The following CACNA1B variants were observed in gnomAD, a reference collection of about 807,000 sequenced individuals.
CACNA1B encodes the protein voltage-dependent N-type calcium channel subunit alpha-1B.
A neutral mutation model predicts 247.2 loss-of-function variants in CACNA1B; 70 were observed. That is an observed-to-expected ratio of 0.28 (90% CI 0.23 to 0.35). The LOEUF is 0.35. Among genes scored for constraint, CACNA1B ranks in the 10% least tolerant of loss-of-function variants. The pLI, the probability that CACNA1B is intolerant of heterozygous loss-of-function variation, is 1.00. For synonymous variants in CACNA1B, 1,231 were observed against 1,294.4 expected, an observed-to-expected ratio of 0.95 and a Z score of 1.05; for missense variants, 2,367 against 3,197.4, an observed-to-expected ratio of 0.74 and a Z score of 6.26.
At chr9:137,949,672 G>C (rs918124377) in intron 6 of CACNA1B, among the ~76,000 whole-genome samples, 12 of 152,044 alleles carry the variant, frequency 7.9e-5, no homozygotes, top group African/African-American at 2.9e-4. Flanking sequence ...TGCAGTTCCC[G>C]ATGGCGGTGG....
At chr9:138,105,555 G>A (rs1043149922) in intron 38 of CACNA1B, 144 bp from the exon 39 acceptor site, 6 of 593,618 alleles carry the variant, frequency 1.0e-5, no homozygotes, top group African/African-American at 1.8e-5. Context: ...ACTCCCACCC[G>A]CCCCACCTCA....
At chr9:138,074,248 T>C (rs1182760081) in intron 34 of CACNA1B, among the ~76,000 whole-genome samples, 182 bp downstream of exon 34, 3 of 151,072 alleles carry the variant, frequency 2.0e-5, no homozygotes, top group Non-Finnish European at 3.0e-5. Context: ...CTTACTCTTT[T>C]TTTTTTTTTT....
chr9:138,006,924 T>C (rs751753589), intron 16 of CACNA1B, 40 bp downstream of exon 16: 2 of 1,070,846 alleles, frequency 1.9e-6, no homozygotes, highest in East Asian at 4.9e-5. Flanking sequence ...TGGTCAGTGC[T>C]TGGCCCTCCT....
intron 31 of CACNA1B, among the ~76,000 whole-genome samples, chr9:138,063,973 G>C (rs192384746): frequency 2.6e-5 from 4 of 152,274 alleles, no homozygotes; most frequent in African/African-American, 2.4e-5. Flanking sequence ...GAGCCAGTGT[G>C]GTGGGTTCGG....
Position 138,121,524 on chromosome 9 carries a change from C to T in CACNA1B, c.6545C>T (p.Pro2182Leu). 3 of 1,575,834 alleles carry T rather than the reference C, an allele frequency of 1.9e-6. No individual in the cohort carries two copies. Among genetic ancestry groups the T allele is most frequent in the Non-Finnish European group, 2.6e-6 (3 of 1,158,728 alleles). ...CTGTCAACATCTGGTGCTAGCACCC[C>T]CGGCCGCGGTGGGCGGAGGCAGCTC... Reference protein sequence around the residue: ...PLLSTSGASTPGRGGRRQLPQ... With the variant: ...PLLSTSGASTLGRGGRRQLPQ... Residue 2182 changes from proline to leucine, a missense_variant, in exon 47 of 47, where the codon CCC becomes CTC. By Grantham distance (98) the Pro-to-Leu change is moderately conservative (BLOSUM62 -3). Around this residue, in one of 12 missense-constraint regions of CACNA1B, gnomAD observed 773 missense variants for 779.4 expected, o/e 0.99. Transcript: ENST00000371372. The surrounding 1 kb of genome is among the most constrained non-coding windows in gnomAD (Gnocchi z 6.8).
At chr9:137,969,557 C>T (rs929417761) in intron 10 of CACNA1B, among the ~76,000 whole-genome samples, 1 of 152,144 alleles carries the variant, frequency 6.6e-6, no homozygotes, top group African/African-American at 2.4e-5. Context: ...TTCCTGGCCA[C>T]GTGTGTGTGC....
intron 3 of CACNA1B, among the ~76,000 whole-genome samples, chr9:137,900,838 G>T (rs2133258263): frequency 6.8e-6 from 1 of 147,428 alleles, no homozygotes; most frequent in Non-Finnish European, 1.5e-5. Flanking sequence ...TTGTGTCTGT[G>T]CTGTGTGTCC....
At chr9:138,024,896 T>C in intron 19 of CACNA1B, 59 bp from the exon 20 acceptor site, 1 of 1,234,592 alleles carries the variant, frequency 8.1e-7, no homozygotes, top group Admixed American at 2.0e-5. Context: ...TGCCTCCCGG[T>C]GCCGGGATCA....
Position 138,057,646 on chromosome 9 carries a change from C to T in CACNA1B, c.3969-86C>T. 1 of 1,341,076 alleles carries T rather than the reference C, an allele frequency of 7.5e-7. No homozygotes were observed. Among genetic ancestry groups the T allele is most frequent in the Non-Finnish European group, 1.0e-6 (1 of 972,062 alleles). The allele number at this position is 1,341,076 out of a possible 1,614,324, so 83.1% of individuals were successfully genotyped here. On this transcript the variant is annotated intron_variant, in intron 26 of 46. Transcript: ENST00000371372. This position sits in a 1 kb window ranked among gnomAD's most constrained non-coding sequence, Gnocchi z 4.0. Reference sequence around the variant, plus strand: ...TCTGTTGGAGAGGCCATTCTTTCCCCACGGAATGGTTTCAACACTCTTGAT... The same window carrying T: ...TCTGTTGGAGAGGCCATTCTTTCCCTACGGAATGGTTTCAACACTCTTGAT...
chr9:137,882,921 C>T lies in CACNA1B; in HGVS notation c.530+38C>T, dbSNP rs747500063. 4 of 1,577,324 alleles carry T rather than the reference C, an allele frequency of 2.5e-6. No individual in the cohort carries two copies. In the Admixed American group the frequency reaches 6.7e-5, roughly 26 times the overall value. ...AGGCCAGGAGGCCCAGCGTGTGAGGCCCGGGCGTGTGCTCTCTGAAGCTCA... is the reference window on the plus strand; with the variant it reads ...AGGCCAGGAGGCCCAGCGTGTGAGGTCCGGGCGTGTGCTCTCTGAAGCTCA... On this transcript the variant is annotated intron_variant, in intron 3 of 46. Transcript: ENST00000371372. This position sits in a 1 kb window ranked among gnomAD's most constrained non-coding sequence, Gnocchi z 4.0.
chr9:138,116,131 G>A (rs371321741), intron 42 of CACNA1B, among the ~76,000 whole-genome samples: 36 of 152,176 alleles, frequency 2.4e-4, no homozygotes, highest in South Asian at 6.2e-4. Flanking sequence ...GCTCCTCATC[G>A]GCCCTCCGTG....
intron 3 of CACNA1B, among the ~76,000 whole-genome samples, chr9:137,909,245 C>T (rs1478126056): frequency 1.3e-5 from 2 of 152,182 alleles, no homozygotes; most frequent in South Asian, 2.1e-4. Context: ...CTGCCTCAGC[C>T]TCTCAAAGTG....
Position 137,880,448 on chromosome 9 carries a change from T to A in CACNA1B, c.390+1289T>A, listed in dbSNP as rs1432603714. Among the ~76,000 whole-genome samples, 2 of 151,868 alleles carry A rather than the reference T, an allele frequency of 1.3e-5. No individual in the cohort carries two copies. Among genetic ancestry groups the A allele is most frequent in the African/African-American group, 4.8e-5 (2 of 41,330 alleles). On this transcript the variant is annotated intron_variant, in intron 2 of 46. Coordinates refer to ENST00000371372, the MANE Select transcript of CACNA1B (RefSeq NM_000718.4). The surrounding 1 kb of genome is among the most constrained non-coding windows in gnomAD (Gnocchi z 4.8). ...TTGAGAGGAAACAGGCAGAGAGCCTTGAATGCCAAGTCACAGGAAGGAGGG... is the reference window on the plus strand; with the variant it reads ...TTGAGAGGAAACAGGCAGAGAGCCTAGAATGCCAAGTCACAGGAAGGAGGG...
intron 31 of CACNA1B, among the ~76,000 whole-genome samples, chr9:138,066,915 T>G (rs1168678015): frequency 2.0e-5 from 3 of 152,088 alleles, no homozygotes; most frequent in Non-Finnish European, 4.4e-5. Context: ...AAACAAAGAC[T>G]AGAGAGAATC....
In CACNA1B at chr9:138,078,136, C is replaced by T; in HGVS notation, c.4972C>T (p.His1658Tyr). The T allele has an allele frequency of 6.2e-7, 1 of 1,613,910 alleles. No homozygotes were observed. The highest frequency in any genetic ancestry group is 8.5e-7 in the Non-Finnish European group (1 of 1,179,834). The change falls in exon 36 of 47, where the codon CAC (histidine) becomes TAC (tyrosine). Residue 1658 changes from histidine to tyrosine, a missense_variant. By Grantham distance (83) the His-to-Tyr change is moderately conservative. Around this residue, in one of 12 missense-constraint regions of CACNA1B, gnomAD observed 436 missense variants for 679.5 expected, o/e 0.64. Coordinates refer to ENST00000371372, the MANE Select transcript of CACNA1B (RefSeq NM_000718.4). ...CAGGAGCGCCACGGGGGAGGCCTGG[C>T]ACGAGATCATGCTGTCCTGCCTGAG... The part of the protein sequence containing the change: ...LFRSATGEAW[H>Y]EIMLSCLSNQ...
chr9:138,108,793 T>G (rs1467656777), intron 39 of CACNA1B, among the ~76,000 whole-genome samples: 1 of 152,038 alleles, frequency 6.6e-6, no homozygotes, highest in Non-Finnish European at 1.5e-5. Context: ...GGACTACAGG[T>G]GCACGCCACC....
chr9:138,042,327 G>T (rs1959134786), intron 20 of CACNA1B, among the ~76,000 whole-genome samples: 1 of 152,220 alleles, frequency 6.6e-6, no homozygotes, highest in Admixed American at 6.5e-5. Context: ...GCGTGCGCCT[G>T]TAATCCCAGC....
intron 38 of CACNA1B, among the ~76,000 whole-genome samples, chr9:138,104,811 A>G (rs899108390): frequency 5.9e-5 from 9 of 152,194 alleles, no homozygotes; most frequent in African/African-American, 1.9e-4. Flanking sequence ...CACGCTCAAA[A>G]TATTCCAGGC....
At chr9:137,948,931 GTGTT>G (rs1564202916) in intron 6 of CACNA1B, among the ~76,000 whole-genome samples, 1 of 147,402 alleles carries the variant, frequency 6.8e-6, no homozygotes, top group African/African-American at 2.5e-5. Flanking sequence ...TCTCTGTGGT[GTGTT>G]TGTGTATGGT....
Sources: gnomAD v4.1 joint callset for allele counts (sites outside exome capture counted in the v4.1 genomes callset) on GRCh38, gnomAD v4.1.1 for gene constraint, gnomAD v4.1.1 regional missense constraint, Gnocchi (gnomAD v3.1) non-coding constraint, MANE v1.5 for transcripts, NCBI Gene and HGNC (gene_info 2026-07-23, HGNC 2026-07-21) for gene names.